The following KPNA7 variants were observed in gnomAD, a reference collection of about 807,000 sequenced individuals.
The protein encoded by KPNA7 is karyopherin subunit alpha 7.
KPNA7 carries 54 observed loss-of-function variants against 53.7 expected under a neutral mutation model. That is an observed-to-expected ratio of 1.01 (90% CI 0.81 to 1.26). KPNA7 has a LOEUF of 1.26. Among genes scored for constraint, KPNA7 ranks in the 50% most tolerant of loss-of-function variants. The pLI, the probability that KPNA7 is intolerant of heterozygous loss-of-function variation, is 0.00. For missense variants in KPNA7, 640 were observed against 644.5 expected (o/e 0.99, Z 0.07); for synonymous variants, 276 against 259.3 (o/e 1.06, Z -0.62).
intron 2 of KPNA7, among the ~76,000 whole-genome samples, chr7:99,205,032 T>G (rs1790727101): frequency 6.6e-6 from 1 of 152,274 alleles, no homozygotes; most frequent in Middle Eastern, 3.4e-3. Context: ...CCTGTTGCTG[T>G]GAAGACTCAA....
the KPNA7 span, among the ~76,000 whole-genome samples, chr7:99,147,432 A>G: frequency 6.6e-6 from 1 of 152,246 alleles, no homozygotes; most frequent in Non-Finnish European, 1.5e-5. Flanking sequence ...TTCCAGCACC[A>G]TTTTCAATAA....
the KPNA7 span, among the ~76,000 whole-genome samples, chr7:99,153,503 T>C: frequency 6.6e-6 from 1 of 151,446 alleles, no homozygotes; most frequent in African/African-American, 2.4e-5. Flanking sequence ...TGAGCCAAGA[T>C]TGTACCATTG....
At chr7:99,147,369 G>A in the KPNA7 span, among the ~76,000 whole-genome samples, 1 of 152,238 alleles carries the variant, frequency 6.6e-6, no homozygotes, top group South Asian at 2.1e-4. Context: ...GGTGAGGAAG[G>A]GCATTATAGA....
chr7:99,199,076 A>AAAAAAAAAAAAAAAAAAG (rs1790378295), intron 3 of KPNA7, among the ~76,000 whole-genome samples: 1 of 150,330 alleles, frequency 6.7e-6, no homozygotes, highest in African/African-American at 2.4e-5. Context: ...AAAAAAAAAA[A>AAAAAAAAAAAAAAAAAAG]AAAAAAAAAA....
At chr7:99,161,445 A>C in the KPNA7 span, among the ~76,000 whole-genome samples, 1 of 152,192 alleles carries the variant, frequency 6.6e-6, no homozygotes, top group Non-Finnish European at 1.5e-5. Context: ...TGAGTCTTCA[A>C]ATGAGACCAC....
Position 99,176,468 on chromosome 7 carries a change from T to C in KPNA7, c.1464+1452A>G, listed in dbSNP as rs557322165. Among the ~76,000 whole-genome samples, 10 of 152,112 alleles carry C rather than the reference T, an allele frequency of 6.6e-5. No homozygotes were observed. In the South Asian group the frequency reaches 2.1e-3, roughly 32 times the overall value. ...GTGGAGAAATTGGAATCCTCATGCA[T>C]TGTTGGTAGGGATGTGAAATGGTAT... On this transcript the variant is annotated intron_variant, in intron 10 of 10. Transcript: ENST00000327442.
chr7:99,198,643 G>A (rs530486351), intron 3 of KPNA7, among the ~76,000 whole-genome samples: 1 of 151,838 alleles, frequency 6.6e-6, no homozygotes, highest in Admixed American at 6.6e-5. Context: ...TCTGATAAAG[G>A]CATCTACAAA....
chr7:99,185,333 TTTTAA>T (rs1334084262), intron 7 of KPNA7, among the ~76,000 whole-genome samples, 171 bp from the exon 8 acceptor site: 16 of 152,148 alleles, frequency 1.1e-4, no homozygotes, highest in Non-Finnish European at 1.8e-4. Context: ...ATCCATGGCC[TTTTAA>T]TTTATTTTTT....
chr7:99,194,559 A>G (rs998399250), intron 5 of KPNA7, among the ~76,000 whole-genome samples: 3 of 152,170 alleles, frequency 2.0e-5, no homozygotes, highest in Admixed American at 6.6e-5. Context: ...TATACACTGT[A>G]TCATCCTGTT....
chr7:99,195,147 T>G lies in KPNA7; in HGVS notation c.476A>C (p.Gln159Pro), dbSNP rs1790159301. 1.3e-6 allele frequency: 2 copies of G among 1,551,500 alleles called. No individual in the cohort carries two copies. The highest frequency in any genetic ancestry group is 2.4e-5 in the South Asian group (2 of 84,060). Residue 159 changes from glutamine (Q) to proline (P), a missense_variant, in exon 5 of 11, where the codon CAG becomes CCG. Transcript: ENST00000327442. ...TRAVVEGGAIQPLIELLSSSN... is the reference protein window; with the variant it reads ...TRAVVEGGAIPPLIELLSSSN... ...GGAAGACAGGAGCTCAATCAAGGGC[T>G]GGATGGCTCCCCCTTCTACCACGGC...
chr7:99,190,842 A>C (rs1167118149), intron 6 of KPNA7, among the ~76,000 whole-genome samples: 2 of 151,842 alleles, frequency 1.3e-5, no homozygotes, highest in African/African-American at 4.8e-5. Flanking sequence ...GCAAGCGGCC[A>C]GCCAGGTCAT....
At chr7:99,193,564 A>T (rs925706124) in intron 5 of KPNA7, among the ~76,000 whole-genome samples, 1 of 152,214 alleles carries the variant, frequency 6.6e-6, no homozygotes, top group Non-Finnish European at 1.5e-5. Context: ...GTCAACCATC[A>T]AAGGCAAGTC....
At chr7:99,171,076 T>A (rs907626800), downstream of KPNA7, among the ~76,000 whole-genome samples, 1 of 152,014 alleles carries the variant, frequency 6.6e-6, no homozygotes, top group African/African-American at 2.4e-5. Context: ...AAAAATTAGC[T>A]GGGCGTGTTC....
rs1789681263 is a variant in KPNA7, at chr7:99,187,796, TTTTAAAAAAAAA to T, written c.900+492_900+503del. Among the ~76,000 whole-genome samples, 6 of 30,740 alleles carry T rather than the reference TTTTAAAAAAAAA, an allele frequency of 2.0e-4. 1 individual carries two copies. The highest frequency in any genetic ancestry group is 5.0e-4 in the African/African-American group (6 of 12,078). 20.2% of individuals were successfully genotyped at this position (30,740 alleles called of 152,430 possible). On this transcript the variant is annotated intron_variant, in intron 7 of 10. Transcript: ENST00000327442. ...GTGAGCCACCGTGCCCGGCCTTTTT[TTTTAAAAAAAAA>T]AAAAAAAAAAAAAAAAAAAAAAAAA... is the stretch of plus-strand genomic sequence containing the variant.
rs574183780 is a variant in KPNA7, at chr7:99,204,323, G to A, written c.67-1083C>T. ...GGAGGTCTAGGCTGCAGTGAGCTAC[G>A]ATTGTACCACTGCACTCCAGCCTGG... On this transcript the variant is annotated intron_variant, in intron 2 of 10. Coordinates refer to ENST00000327442, the MANE Select transcript of KPNA7 (RefSeq NM_001145715.3). Among the ~76,000 whole-genome samples the A allele has an allele frequency of 5.9e-5, 9 of 152,022 alleles. No individual in the cohort carries two copies. The East Asian group carries it at 1.2e-3, about 20-fold the overall frequency.
chr7:99,197,027 A>G (rs1057383671), intron 3 of KPNA7, among the ~76,000 whole-genome samples: 5 of 107,030 alleles, frequency 4.7e-5, no homozygotes, highest in South Asian at 6.8e-4. Context: ...TAAAAACAAC[A>G]ACAACAACAA....
chr7:99,184,462 C>CTGCTTTG (rs964813593), intron 8 of KPNA7, among the ~76,000 whole-genome samples: 94 of 152,312 alleles, frequency 6.2e-4, no homozygotes, highest in African/African-American at 1.9e-3. Context: ...TGCACTCAGC[C>CTGCTTTG]TGCTTTGTTG....
chr7:99,203,081 A>T, intron 3 of KPNA7, 25 bp downstream of exon 3: 1 of 1,547,964 alleles, frequency 6.5e-7, no homozygotes, highest in South Asian at 1.2e-5. Context: ...TTTGCCCAAG[A>T]CTACTCTAAA....
At chr7:99,183,389 T>G (rs2150720270) in intron 8 of KPNA7, among the ~76,000 whole-genome samples, 1 of 151,496 alleles carries the variant, frequency 6.6e-6, no homozygotes, top group African/African-American at 2.4e-5. Flanking sequence ...AAAACTGACC[T>G]CAGCATAAAA....
Sources: gnomAD v4.1 joint callset for allele counts (sites outside exome capture counted in the v4.1 genomes callset) on GRCh38, gnomAD v4.1.1 for gene constraint, MANE v1.5 for transcripts, NCBI Gene and HGNC (gene_info 2026-07-23, HGNC 2026-07-21) for gene names.